Variants in ATP8A1 observed in about 807,000 individuals in gnomAD.
ATP8A1 encodes ATPase phospholipid transporting 8A1.
Under a neutral mutation model 177.7 loss-of-function variants are expected in ATP8A1, and 90 were observed. That is an observed-to-expected ratio of 0.51 (90% CI 0.43 to 0.60). The LOEUF is 0.60. ATP8A1 is among the 20% of genes least tolerant of loss of function. ATP8A1 has a pLI of 0.00. For missense variants in ATP8A1, 1,072 were observed against 1,392.8 expected (o/e 0.77, Z 3.67); for synonymous variants, 493 against 485.9 (o/e 1.01, Z -0.19).
intron 5 of ATP8A1, among the ~76,000 whole-genome samples, chr4:42,602,015 T>C (rs1735327847): frequency 6.6e-6 from 1 of 152,142 alleles, no homozygotes; most frequent in South Asian, 2.1e-4. Flanking sequence ...TTATTACTTG[T>C]ACTTGCAGCA....
chr4:42,479,475 G>T (rs1161113210), intron 25 of ATP8A1, among the ~76,000 whole-genome samples: 1 of 152,170 alleles, frequency 6.6e-6, no homozygotes, highest in African/African-American at 2.4e-5. Flanking sequence ...ACACAATGAG[G>T]TCAGTAGGCT....
intron 33 of ATP8A1, among the ~76,000 whole-genome samples, chr4:42,435,434 A>C (rs1245494571): frequency 1.2e-4 from 12 of 99,132 alleles, no homozygotes; most frequent in East Asian, 4.5e-4. Flanking sequence ...CTCAAAAAAA[A>C]AAAAAAAAAA....
intron 25 of ATP8A1, among the ~76,000 whole-genome samples, chr4:42,466,692 C>T (rs966908427): frequency 1.3e-5 from 2 of 152,254 alleles, no homozygotes; most frequent in Non-Finnish European, 2.9e-5. Flanking sequence ...AATGACACAA[C>T]TGTGAACTCA....
intron 4 of ATP8A1, among the ~76,000 whole-genome samples, chr4:42,622,374 T>C (rs1737563885): frequency 6.6e-6 from 1 of 151,284 alleles, no homozygotes; most frequent in African/African-American, 2.4e-5. Flanking sequence ...AGAGTGATAA[T>C]CCATCTCAAA....
chr4:42,483,393 A>AC (rs397878243), intron 25 of ATP8A1, among the ~76,000 whole-genome samples: 4 of 150,648 alleles, frequency 2.7e-5, no homozygotes, highest in African/African-American at 7.4e-5. Context: ...AAAAAAAAAA[A>AC]CCTTAAAACT....
chr4:42,627,841 G>C (rs1738273334), intron 1 of ATP8A1, among the ~76,000 whole-genome samples: 1 of 152,170 alleles, frequency 6.6e-6, no homozygotes, highest in African/African-American at 2.4e-5. Context: ...CAACAGTACT[G>C]TATCTCCAAA....
chr4:42,524,734 A>G (rs1240596123), intron 21 of ATP8A1, 29 bp downstream of exon 21: 3 of 1,431,400 alleles, frequency 2.1e-6, no homozygotes, highest in Non-Finnish European at 2.9e-6. Flanking sequence ...TTGTATTTTA[A>G]TCATGCTTTA....
intron 20 of ATP8A1, among the ~76,000 whole-genome samples, chr4:42,530,568 C>T (rs1727161808): frequency 6.6e-6 from 1 of 152,210 alleles, no homozygotes; most frequent in Admixed American, 6.5e-5. Flanking sequence ...CTGGCCAAGG[C>T]ACTCACTTTA....
intron 6 of ATP8A1, among the ~76,000 whole-genome samples, chr4:42,596,604 T>C (rs180930874): frequency 6.8e-6 from 1 of 147,888 alleles, no homozygotes; most frequent in African/African-American, 2.5e-5. Flanking sequence ...GAGGTGGAGG[T>C]TGCAGTGAGC....
At chr4:42,504,843 C>T (rs909830177) in intron 23 of ATP8A1, among the ~76,000 whole-genome samples, 1 of 152,234 alleles carries the variant, frequency 6.6e-6, no homozygotes, top group Admixed American at 6.5e-5. Context: ...CCCCGTCCAC[C>T]CTGGACACTG....
chr4:42,546,878 TAAC>T (rs1728992268), intron 19 of ATP8A1, among the ~76,000 whole-genome samples: 4 of 152,202 alleles, frequency 2.6e-5, no homozygotes, highest in Admixed American at 2.6e-4. Context: ...TCTACATCTT[TAAC>T]AACAAGGTTG....
chr4:42,452,107 C>G, intron 29 of ATP8A1, 48 bp from the exon 30 acceptor site: 1 of 1,309,612 alleles, frequency 7.6e-7, no homozygotes, highest in Non-Finnish European at 1.1e-6. Context: ...TAAACTAGCT[C>G]TGTGAACTCT....
intron 1 of ATP8A1, among the ~76,000 whole-genome samples, chr4:42,636,160 A>ACGTGCGCGCGCGCGCG (rs150760623): frequency 7.5e-6 from 1 of 132,950 alleles, no homozygotes; most frequent in African/African-American, 3.1e-5. Context: ...ACACACACGC[A>ACGTGCGCGCGCGCGCG]CACACACACA....
At position 42,522,256 on chromosome 4, in the gene ATP8A1, G is replaced by A. The variant is rs768881260; in HGVS notation, c.1851C>T (p.Ser617=). ...AGACTGCTCGCCACTCCTGAAAGTC[G>A]CTCTCTGAAATCTCAGCCACAGCAA... The part of the protein sequence containing the change: ...LCFAVAEISE[S]DFQEWRAVYQ... Residue 617 remains serine (S), a synonymous_variant, in exon 22 of 37, where the codon AGC becomes AGT. Coordinates refer to ENST00000381668, the MANE Select transcript of ATP8A1 (RefSeq NM_006095.2). The A allele has an allele frequency of 2.6e-5, 42 of 1,613,510 alleles. 1 individual carries two copies. The South Asian group carries it at 4.2e-4, about 16-fold the overall frequency.
chr4:42,471,530 G>A (rs769423143), intron 25 of ATP8A1, among the ~76,000 whole-genome samples: 11 of 152,292 alleles, frequency 7.2e-5, no homozygotes, highest in Non-Finnish European at 1.5e-4. Context: ...AATAGGGACC[G>A]TTTCTATTGA....
chr4:42,557,957 G>A (rs1029345843), intron 15 of ATP8A1, among the ~76,000 whole-genome samples: 3 of 152,092 alleles, frequency 2.0e-5, no homozygotes, highest in Admixed American at 6.6e-5. Context: ...AACCTGGGAG[G>A]TGGAGGTTGC....
intron 21 of ATP8A1, among the ~76,000 whole-genome samples, chr4:42,523,262 A>T (rs1338940684): frequency 1.3e-5 from 2 of 152,182 alleles, no homozygotes; most frequent in Non-Finnish European, 2.9e-5. Context: ...GGAAGAAAGG[A>T]GAGGCCAAAA....
At chr4:42,535,926 CACAA>C (rs781639204) in intron 20 of ATP8A1, among the ~76,000 whole-genome samples, 9 of 152,116 alleles carry the variant, frequency 5.9e-5, no homozygotes, top group African/African-American at 1.2e-4. Flanking sequence ...ATAATAGTGA[CACAA>C]ACTATCAAAA....
intron 31 of ATP8A1, among the ~76,000 whole-genome samples, chr4:42,445,947 G>A (rs779418649): frequency 6.6e-6 from 1 of 151,762 alleles, no homozygotes; most frequent in Non-Finnish European, 1.5e-5. Context: ...GGGCGTGATG[G>A]CACACGCCTG....
Sources: gnomAD v4.1 joint callset for allele counts (sites outside exome capture counted in the v4.1 genomes callset) on GRCh38, gnomAD v4.1.1 for gene constraint, MANE v1.5 for transcripts, NCBI Gene and HGNC (gene_info 2026-07-23, HGNC 2026-07-21) for gene names.